ZNF385D: variants seen among roughly 807,000 people sequenced by gnomAD.
ZNF385D encodes the protein zinc finger protein 659.
Under a neutral mutation model 35.8 loss-of-function variants are expected in ZNF385D, and 15 were observed. The observed-to-expected ratio is 0.42, with a 90% confidence interval of 0.28 to 0.64. The LOEUF (loss-of-function observed/expected upper bound fraction) is 0.64. Ranked by LOEUF, ZNF385D falls within the 30% of genes least tolerant of loss-of-function variation. The pLI, the probability that ZNF385D is intolerant of heterozygous loss-of-function variation, is 0.23. For missense variants in ZNF385D, 474 were observed against 494.6 expected (o/e 0.96, Z 0.39); for synonymous variants, 212 against 186.8 (o/e 1.13, Z -1.10).
intron 2 of ZNF385D, among the ~76,000 whole-genome samples, chr3:21,605,302 C>T (rs542174891): frequency 6.6e-6 from 1 of 152,264 alleles, no homozygotes; most frequent in South Asian, 2.1e-4. Context: ...GTATTGGACT[C>T]AGTATAAATG....
intron 1 of ZNF385D, among the ~76,000 whole-genome samples, chr3:21,670,475 T>G (rs2066532358): frequency 6.6e-6 from 1 of 151,820 alleles, no homozygotes; most frequent in Non-Finnish European, 1.5e-5. Context: ...CAAATCCATT[T>G]TCAAATATTT....
chr3:21,755,300 G>C (rs1029225183), upstream of ZNF385D, among the ~76,000 whole-genome samples: 2 of 152,110 alleles, frequency 1.3e-5, no homozygotes, highest in South Asian at 4.2e-4. Context: ...CTTTAAAAAT[G>C]GTATGATCAT....
chr3:21,838,389 G>C (rs1695456916), intron 3 of ZNF385D, among the ~76,000 whole-genome samples: 2 of 152,146 alleles, frequency 1.3e-5, no homozygotes, highest in African/African-American at 4.8e-5. Flanking sequence ...TCAGAATCTT[G>C]TTTGTGAACA....
intron 3 of ZNF385D, among the ~76,000 whole-genome samples, chr3:21,911,596 T>C (rs1001512053): frequency 3.3e-5 from 5 of 152,116 alleles, no homozygotes; most frequent in East Asian, 3.9e-4. Context: ...CTTGACTGAA[T>C]AAATTGGAAA....
chr3:22,334,370 C>G (rs1360317681), intron 2 of ZNF385D, among the ~76,000 whole-genome samples: 1 of 152,080 alleles, frequency 6.6e-6, no homozygotes, highest in Non-Finnish European at 1.5e-5. Flanking sequence ...AATCAAAGGG[C>G]TTTCTAATAT....
intron 3 of ZNF385D, among the ~76,000 whole-genome samples, chr3:21,758,785 T>C (rs1274199861): frequency 6.6e-6 from 1 of 151,776 alleles, no homozygotes. Context: ...CTTCAGAAAG[T>C]TGTGTATATT....
intron 3 of ZNF385D, among the ~76,000 whole-genome samples, chr3:21,785,449 T>C (rs1415635313): frequency 6.6e-6 from 1 of 152,150 alleles, no homozygotes; most frequent in Non-Finnish European, 1.5e-5. Context: ...TCTTAGCAAA[T>C]TTTCAGTACA....
At chr3:21,781,002 T>G (rs1224341522) in intron 3 of ZNF385D, among the ~76,000 whole-genome samples, 2 of 151,980 alleles carry the variant, frequency 1.3e-5, no homozygotes, top group East Asian at 3.9e-4. Flanking sequence ...TCATCAACAT[T>G]TGAAGTAAGT....
chr3:21,857,135 T>C (rs1696762493), intron 3 of ZNF385D, among the ~76,000 whole-genome samples: 1 of 152,102 alleles, frequency 6.6e-6, no homozygotes, highest in African/African-American at 2.4e-5. Context: ...ACTCTCCCGA[T>C]CCTCTTGGTC....
At chr3:22,166,253 G>A (rs564126918) in intron 3 of ZNF385D, among the ~76,000 whole-genome samples, 14 of 133,370 alleles carry the variant, frequency 1.0e-4, no homozygotes, top group South Asian at 2.4e-4. Context: ...TACTTAAAAC[G>A]TCTTGGGGAA....
intron 2 of ZNF385D, among the ~76,000 whole-genome samples, chr3:22,313,963 G>A (rs1703739202): frequency 1.3e-5 from 2 of 152,070 alleles, no homozygotes; most frequent in Non-Finnish European, 2.9e-5. Flanking sequence ...TGGGTATGAA[G>A]CTCTGCATAA....
intron 3 of ZNF385D, among the ~76,000 whole-genome samples, chr3:21,841,353 T>C (rs1040840303): frequency 2.6e-5 from 4 of 152,068 alleles, no homozygotes; most frequent in African/African-American, 7.2e-5. Context: ...TATCCATTTA[T>C]GTATAATTGT....
chr3:21,633,137 G>A (rs1268054663), intron 2 of ZNF385D, among the ~76,000 whole-genome samples: 1 of 152,044 alleles, frequency 6.6e-6, no homozygotes, highest in Non-Finnish European at 1.5e-5. Flanking sequence ...GTTAAAGGCA[G>A]AGAAAGAAAA....
chr3:22,243,443 G>C (rs568988820), intron 2 of ZNF385D, among the ~76,000 whole-genome samples: 1 of 151,128 alleles, frequency 6.6e-6, no homozygotes, highest in African/African-American at 2.4e-5. Flanking sequence ...TGAACATTTT[G>C]ATATCAGGCT....
chr3:21,969,535 A>G (rs1703114574), intron 3 of ZNF385D, among the ~76,000 whole-genome samples: 1 of 152,144 alleles, frequency 6.6e-6, no homozygotes, highest in East Asian at 1.9e-4. Flanking sequence ...TCTTTATAGC[A>G]TTAGGTAAAC....
chr3:21,427,724 G>A (rs1701085907), intron 5 of ZNF385D, among the ~76,000 whole-genome samples: 1 of 152,108 alleles, frequency 6.6e-6, no homozygotes, highest in Non-Finnish European at 1.5e-5. Context: ...AGGAAGAATA[G>A]AAATGGGACA....
intron 2 of ZNF385D, among the ~76,000 whole-genome samples, chr3:22,169,353 TGATTAAACAA>T (rs2125758402): frequency 6.6e-6 from 1 of 152,320 alleles, no homozygotes; most frequent in South Asian, 2.1e-4. Context: ...AGTTTTAGAA[TGATTAAACAA>T]CTTGTCTAAG....
At position 22,095,520 on chromosome 3, in the gene ZNF385D, A is replaced by G. The variant is rs115174566; in HGVS notation, c.325+73297T>C. On this transcript the variant is annotated intron_variant, in intron 3 of 5. Coordinates refer to the ZNF385D transcript ENST00000494108. ...AGCTATTGATCTATCTTCTGATTCA[A>G]TATGATACTCTAGATGATGTGATCT... 4.3e-3 allele frequency among the ~76,000 whole-genome samples: 649 copies of G among 152,114 alleles called. 6 individuals are homozygous for G. The highest frequency in any genetic ancestry group is 0.015 in the African/African-American group (603 of 41,528).
chr3:21,853,168 C>T (rs184562860), intron 3 of ZNF385D, among the ~76,000 whole-genome samples: 91 of 151,734 alleles, frequency 6.0e-4, no homozygotes, highest in Non-Finnish European at 1.1e-3. Flanking sequence ...AGCAAATATA[C>T]ATTAAAATCA....
Sources: gnomAD v4.1 joint callset for allele counts (sites outside exome capture counted in the v4.1 genomes callset) on GRCh38, gnomAD v4.1.1 for gene constraint, MANE v1.5 for transcripts, NCBI Gene and HGNC (gene_info 2026-07-23, HGNC 2026-07-21) for gene names.